The following SLC17A3 variants were observed in gnomAD, a reference collection of about 807,000 sequenced individuals.
SLC17A3 encodes sodium-dependent phosphate transport protein 4.
Under a neutral mutation model 60.3 loss-of-function variants are expected in SLC17A3, and 61 were observed. The ratio of observed to expected loss-of-function variants is 1.01; its 90% confidence interval spans 0.82 to 1.25. The LOEUF is 1.25. SLC17A3 is among the 50% of genes most tolerant of loss of function. The pLI, the probability that SLC17A3 is intolerant of heterozygous loss-of-function variation, is 0.00. For synonymous variants in SLC17A3, 192 were observed against 208.9 expected (o/e 0.92, Z 0.70); for missense variants, 624 against 594.9 (o/e 1.05, Z -0.51).
At chr6:25,867,783 T>C (rs1396105058) in intron 2 of SLC17A3, among the ~76,000 whole-genome samples, 2 of 151,880 alleles carry the variant, frequency 1.3e-5, no homozygotes, top group African/African-American at 4.8e-5. Flanking sequence ...TTTGTGAATC[T>C]AATAAAGCAA....
chr6:25,850,551 A>C lies in SLC17A3; in HGVS notation c.901T>G (p.Leu301Val), dbSNP rs781745689. 14 of 1,613,962 alleles carry C rather than the reference A, an allele frequency of 8.7e-6. No individual in the cohort carries two copies. The South Asian group carries it at 1.4e-4, about 16-fold the overall frequency. Residue 301 changes from leucine to valine, a missense_variant, in exon 8 of 13, where the codon TTA becomes GTA. Leu to Val is a conservative substitution (Grantham distance 32). Transcript: ENST00000397060. ...AACCATTGATGGCTGAAACAGCCTA[A>C]ACATATGGACCAAATGGGTAGAGAT... is the stretch of plus-strand genomic sequence containing the variant. ...LRSLPIWSIC[L>V]GCFSHQWLVS...
chr6:25,845,608 G>A, intron 11 of SLC17A3, 92 bp from the exon 12 acceptor site: 1 of 1,433,556 alleles, frequency 7.0e-7, no homozygotes, highest in Non-Finnish European at 9.8e-7. Flanking sequence ...ATTCACTGGT[G>A]GGTTTCCTTG....
At chr6:25,857,952 C>T (rs1238770104) in intron 5 of SLC17A3, among the ~76,000 whole-genome samples, 1 of 152,134 alleles carries the variant, frequency 6.6e-6, no homozygotes, top group Non-Finnish European at 1.5e-5. Context: ...TCTCTGCATC[C>T]TCACTTCCCT....
intron 6 of SLC17A3, among the ~76,000 whole-genome samples, chr6:25,852,379 T>C (rs561111376): frequency 1.3e-5 from 2 of 152,310 alleles, no homozygotes; most frequent in African/African-American, 4.8e-5. Flanking sequence ...TGTGAATTTA[T>C]AGTTTTCATC....
intron 5 of SLC17A3, among the ~76,000 whole-genome samples, chr6:25,860,718 G>A (rs1765432702): frequency 6.6e-6 from 1 of 152,304 alleles, no homozygotes; most frequent in South Asian, 2.1e-4. Context: ...TATTCTGGTT[G>A]TTCAGTCTCT....
rs373508058 is a variant in SLC17A3, at chr6:25,848,850, A to T, written c.1362+524T>A. 1.1e-4 allele frequency among the ~76,000 whole-genome samples: 17 copies of T among 152,320 alleles called. No individual in the cohort carries two copies. In the East Asian group the frequency reaches 1.3e-3, roughly 12 times the overall value. On this transcript the variant is annotated intron_variant, in intron 11 of 12. Transcript: ENST00000397060. ...ATTTTCACAATCTATACATCTGAGA[A>T]AGGACTAATATCCAGAACCTACAAT... is the stretch of plus-strand genomic sequence containing the variant.
In SLC17A3 at chr6:25,847,475, G is replaced by A. The variant is rs78972748; in HGVS notation, c.1362+1899C>T. 5.2e-3 allele frequency among the ~76,000 whole-genome samples: 792 copies of A among 152,238 alleles called. 5 individuals carry two copies. The highest frequency in any genetic ancestry group is 0.024 in the Middle Eastern group (7 of 294). On this transcript the variant is annotated intron_variant, in intron 11 of 12. Coordinates refer to ENST00000397060, the MANE Select transcript of SLC17A3 (RefSeq NM_001098486.2). ...ATGGAAGATCTGTTTTTAGCTCTTT[G>A]AGGAATCACCACACTGCTTTCCACA...
intron 11 of SLC17A3, among the ~76,000 whole-genome samples, chr6:25,846,746 G>T (rs1423889141): frequency 6.6e-6 from 1 of 152,110 alleles, no homozygotes; most frequent in East Asian, 1.9e-4. Flanking sequence ...GAGTAGCTGG[G>T]ACTACAGGTA....
In SLC17A3 at chr6:25,849,409, T is replaced by C. The variant is rs748681914; in HGVS notation, c.1327A>G (p.Ile443Val). Residue 443 changes from isoleucine to valine, a missense_variant, in exon 11 of 13, where the codon ATT becomes GTT. Physicochemically the swap from Ile to Val is conservative, Grantham distance 29. Transcript: ENST00000397060. ...AGAAATCCACTGACAGTGGGTACAA[T>C]GACAGGTGCTATGCTCGAAAATCCT... ...SRGFSSIAPV[I>V]VPTVSGFLLS... The C allele has an allele frequency of 6.2e-7, 1 of 1,612,800 alleles. No individual in the cohort carries two copies. The highest frequency in any genetic ancestry group is 8.5e-7 in the Non-Finnish European group (1 of 1,178,822).
In SLC17A3 at chr6:25,855,235, A is replaced by G. The variant is rs748762820; in HGVS notation, c.626-5T>C. 3.7e-6 allele frequency: 6 copies of G among 1,603,708 alleles called. No individual in the cohort carries two copies. Among genetic ancestry groups the G allele is most frequent in the East Asian group, 2.2e-5 (1 of 44,796 alleles). On this transcript the variant is annotated splice_polypyrimidine_tract_variant and splice_region_variant and intron_variant, in intron 5 of 12. Coordinates refer to ENST00000397060, the MANE Select transcript of SLC17A3 (RefSeq NM_001098486.2). ...TAAAGCATCCCAGTAACATTCCTGC[A>G]AAGAGAGAGAAAGTAAGCTGTGGGA...
rs1765245947 is a variant in SLC17A3 at position 25,850,032 on chromosome 6, C to CAAGCTCAGATAAGCTCAATTTTAGGT, written c.1123+15_1123+16insACCTAAAATTGAGCTTATCTGAGCTT. On this transcript the variant is annotated intron_variant, in intron 9 of 12. Coordinates refer to ENST00000397060, the MANE Select transcript of SLC17A3 (RefSeq NM_001098486.2). ...TATGCTACGCAAATTATCTGACCCTCAAGCTCTGTTCTTACCTAAAATTGT... is the reference window on the plus strand; with the variant it reads ...TATGCTACGCAAATTATCTGACCCTCAAGCTCAGATAAGCTCAATTTTAGGTAAGCTCTGTTCTTACCTAAAATTGT... 1 of 1,613,802 alleles carries CAAGCTCAGATAAGCTCAATTTTAGGT rather than the reference C, an allele frequency of 6.2e-7. No individual in the cohort carries two copies. The highest frequency in any genetic ancestry group is 1.1e-5 in the South Asian group (1 of 91,066).
Position 25,849,442 on chromosome 6 carries a change from C to T in SLC17A3, c.1294G>A (p.Ala432Thr), listed in dbSNP as rs766701109. 5.6e-6 allele frequency: 9 copies of T among 1,611,676 alleles called. No individual in the cohort carries two copies. The East Asian group carries it at 1.8e-4, about 32-fold the overall frequency. Residue 432 changes from alanine to threonine, a missense_variant, in exon 11 of 13, where the codon GCA becomes ACA. Transcript: ENST00000397060. ...GCTATGCTCGAAAATCCTCTTGATG[C>T]TCCCATGAGAAAACTGGAATACCTG... is the stretch of plus-strand genomic sequence containing the variant. ...APRYSSFLMG[A>T]SRGFSSIAPV...
chr6:25,856,480 C>T (rs1164734169), intron 5 of SLC17A3, among the ~76,000 whole-genome samples: 1 of 152,182 alleles, frequency 6.6e-6, no homozygotes, highest in African/African-American at 2.4e-5. Flanking sequence ...CTCAAGTGAT[C>T]CTTCCATCTT....
intron 2 of SLC17A3, among the ~76,000 whole-genome samples, chr6:25,868,062 C>T (rs1206414601): frequency 6.6e-6 from 1 of 151,578 alleles, no homozygotes; most frequent in Non-Finnish European, 1.5e-5. Context: ...AATTCAGTAG[C>T]AATTATCAAG....
At chr6:25,868,183 A>C in intron 2 of SLC17A3, 114 bp downstream of exon 2, 1 of 798,456 alleles carries the variant, frequency 1.3e-6, no homozygotes, top group Non-Finnish European at 2.1e-6. Context: ...ATTTCACTGG[A>C]TTTGTAAAAA....
intron 6 of SLC17A3, among the ~76,000 whole-genome samples, 171 bp downstream of exon 6, chr6:25,854,973 T>C (rs1765335342): frequency 6.6e-6 from 1 of 152,212 alleles, no homozygotes; most frequent in Non-Finnish European, 1.5e-5. Flanking sequence ...GCAGGAGAAC[T>C]TCCAAATTTT....
intron 11 of SLC17A3, among the ~76,000 whole-genome samples, chr6:25,848,940 G>A (rs1452869123): frequency 6.6e-6 from 1 of 152,106 alleles, no homozygotes. Flanking sequence ...AAGGACATGA[G>A]AAGACAATTC....
intron 1 of SLC17A3, among the ~76,000 whole-genome samples, chr6:25,868,732 G>A (rs1420360448): frequency 6.6e-6 from 1 of 151,924 alleles, no homozygotes; most frequent in Non-Finnish European, 1.5e-5. Flanking sequence ...GCACATTTGT[G>A]TGTTTCAGTT....
chr6:25,853,203 C>T (rs1765306770), intron 6 of SLC17A3, among the ~76,000 whole-genome samples: 1 of 151,964 alleles, frequency 6.6e-6, no homozygotes, highest in Non-Finnish European at 1.5e-5. Context: ...TTTTCCCCTG[C>T]CTACATGAAT....
Sources: allele counts gnomAD v4.1 joint callset (sites outside exome capture counted in the v4.1 genomes callset), GRCh38; gene constraint gnomAD v4.1.1; transcripts MANE v1.5; gene names NCBI Gene and HGNC (gene_info 2026-07-23, HGNC 2026-07-21).